BAZ1B: variants seen among roughly 807,000 people sequenced by gnomAD.
The protein encoded by BAZ1B is tyrosine-protein kinase BAZ1B.
A neutral mutation model predicts 153.8 loss-of-function variants in BAZ1B; 22 were observed. That is an observed-to-expected ratio of 0.14 (90% CI 0.10 to 0.20). The LOEUF (loss-of-function observed/expected upper bound fraction) is 0.20, where lower values mean the gene tolerates loss of function less well. BAZ1B is among the 10% of genes least tolerant of loss of function. The probability of loss-of-function intolerance (pLI) is 1.00; values close to 1 mark genes in which losing one functional copy is unlikely to be tolerated. For synonymous variants in BAZ1B, 676 were observed against 633.4 expected (o/e 1.07, Z -1.01); for missense variants, 1,325 against 1,799.3 (o/e 0.74, Z 4.77).
chr7:73,466,150 CAAG>C (rs2116298985), intron 10 of BAZ1B, 143 bp downstream of exon 10: 1 of 582,694 alleles, frequency 1.7e-6, no homozygotes, highest in South Asian at 3.1e-5. Flanking sequence ...TCTGCTAATG[CAAG>C]AAGTTTTGAT....
At chr7:73,506,184 G>C (rs1554577713) in intron 3 of BAZ1B, among the ~76,000 whole-genome samples, 1 of 152,074 alleles carries the variant, frequency 6.6e-6, no homozygotes, top group Non-Finnish European at 1.5e-5. Context: ...TTATCCTTTA[G>C]CTATTTTGAC....
In BAZ1B at chr7:73,450,410, A is replaced by G. The variant is rs781820076; in HGVS notation, c.3580+437T>C. On this transcript the variant is annotated intron_variant, in intron 14 of 19. Transcript: ENST00000339594. The surrounding 1 kb of genome is among the most constrained non-coding windows in gnomAD (Gnocchi z 4.1). The stretch of plus-strand genomic sequence containing the variant: ...AACTCTAGCCACTGAAAAGCCAATC[A>G]GCAAGGGGCTTCTAACCATGAAGTT... Among the ~76,000 whole-genome samples, 3 of 152,200 alleles carry G rather than the reference A, an allele frequency of 2.0e-5. No individual in the cohort carries two copies. Among genetic ancestry groups the G allele is most frequent in the African/African-American group, 4.8e-5 (2 of 41,458 alleles).
intron 1 of BAZ1B, among the ~76,000 whole-genome samples, chr7:73,518,087 T>C (rs555579428): frequency 1.4e-4 from 22 of 152,226 alleles, no homozygotes; most frequent in South Asian, 8.3e-4. Context: ...TAATATGGCA[T>C]AACGTATTAC....
At chr7:73,443,046 A>T (rs1475946521) in intron 17 of BAZ1B, among the ~76,000 whole-genome samples, 3 of 152,206 alleles carry the variant, frequency 2.0e-5, no homozygotes, top group Non-Finnish European at 2.9e-5. Flanking sequence ...CCCCGGGGCC[A>T]CGGCAATCAA....
intron 19 of BAZ1B, 37 bp downstream of exon 19, chr7:73,442,144 A>ACACCCCC: frequency 5.5e-6 from 1 of 180,370 alleles, no homozygotes; most frequent in Non-Finnish European, 1.1e-5. Flanking sequence ...CCTCCCTCCC[A>ACACCCCC]CCCTCCCTAG....
chr7:73,471,152 C>T (rs1358666168), intron 7 of BAZ1B, among the ~76,000 whole-genome samples: 1 of 152,116 alleles, frequency 6.6e-6, no homozygotes, highest in Non-Finnish European at 1.5e-5. Context: ...AAAAAGATCA[C>T]GATAAATCAA....
At chr7:73,461,439 A>G (rs1788393428) in intron 12 of BAZ1B, among the ~76,000 whole-genome samples, 1 of 152,262 alleles carries the variant, frequency 6.6e-6, no homozygotes, top group Non-Finnish European at 1.5e-5. Flanking sequence ...ACCTAACGTC[A>G]GCAAGATATA....
At chr7:73,483,289 T>C (rs931056047) in intron 6 of BAZ1B, among the ~76,000 whole-genome samples, 1 of 152,186 alleles carries the variant, frequency 6.6e-6, no homozygotes, top group Non-Finnish European at 1.5e-5. Context: ...AAATTACTTG[T>C]AGCAGCTCAT....
intron 5 of BAZ1B, among the ~76,000 whole-genome samples, chr7:73,491,507 G>GAGA (rs1240770604): frequency 6.6e-6 from 1 of 152,064 alleles, no homozygotes; most frequent in Non-Finnish European, 1.5e-5. Context: ...GCTGAGGCTG[G>GAGA]AGAATCACTT....
intron 5 of BAZ1B, among the ~76,000 whole-genome samples, chr7:73,491,784 A>T (rs1789655244): frequency 6.6e-6 from 1 of 152,142 alleles, no homozygotes; most frequent in Non-Finnish European, 1.5e-5. Context: ...TTACTGAATC[A>T]AGAATTTTGA....
At chr7:73,500,167 T>C (rs529285748) in intron 3 of BAZ1B, among the ~76,000 whole-genome samples, 1 of 152,292 alleles carries the variant, frequency 6.6e-6, no homozygotes, top group Admixed American at 6.5e-5. Context: ...TAATTATAGA[T>C]ATATTTAAGG....
At position 73,490,057 on chromosome 7, in the gene BAZ1B, T is replaced by C. The variant is rs928840754; in HGVS notation, c.694-666A>G. 3.9e-5 allele frequency among the ~76,000 whole-genome samples: 6 copies of C among 152,332 alleles called. No homozygotes were observed. In the South Asian group the frequency reaches 8.3e-4, roughly 21 times the overall value. On this transcript the variant is annotated intron_variant, in intron 5 of 19. Coordinates refer to ENST00000339594, the MANE Select transcript of BAZ1B (RefSeq NM_032408.4). Reference sequence around the variant, plus strand: ...GTTAAATGAAACTATGTACATATAATGGACACTGCAGTCCTATGAAAAAAC... The same window carrying C: ...GTTAAATGAAACTATGTACATATAACGGACACTGCAGTCCTATGAAAAAAC...
intron 16 of BAZ1B, among the ~76,000 whole-genome samples, chr7:73,445,235 A>G (rs1787787337): frequency 6.6e-6 from 1 of 152,170 alleles, no homozygotes; most frequent in South Asian, 2.1e-4. Flanking sequence ...TGACACGAAT[A>G]ATCCAGAAAC....
In BAZ1B at chr7:73,508,354, A is replaced by G. The variant is rs782132572; in HGVS notation, c.342T>C (p.Tyr114=). 7 of 1,613,890 alleles carry G rather than the reference A, an allele frequency of 4.3e-6. No homozygotes were observed. In the African/African-American group the frequency reaches 5.3e-5, roughly 12 times the overall value. The change falls in exon 3 of 20, where the codon TAT becomes TAC. Residue 114 remains tyrosine (Y), a synonymous_variant. Coordinates refer to ENST00000339594, the MANE Select transcript of BAZ1B (RefSeq NM_032408.4). ...DTAWLEIMTK[Y]AVGEECDFEV... ...CGAAGTCACACTCTTCTCCCACAGC[A>G]TATTTGGTCATGATCTCCAACCAAG...
chr7:73,481,794 T>C (rs1554573728), intron 6 of BAZ1B, among the ~76,000 whole-genome samples: 1 of 151,994 alleles, frequency 6.6e-6, no homozygotes, highest in East Asian at 1.9e-4. Flanking sequence ...TCCCAGCACT[T>C]TGGAAGGCTG....
At chr7:73,443,891 T>C in intron 17 of BAZ1B, 93 bp downstream of exon 17, 1 of 1,547,460 alleles carries the variant, frequency 6.5e-7, no homozygotes, top group African/African-American at 1.4e-5. Flanking sequence ...GGGGGGAGGC[T>C]CCCCTCCCAC....
At chr7:73,488,698 G>A (rs1268268621) in intron 6 of BAZ1B, among the ~76,000 whole-genome samples, 1 of 145,594 alleles carries the variant, frequency 6.9e-6, no homozygotes, top group African/African-American at 2.5e-5. Flanking sequence ...CTGGGTGACA[G>A]AGCGAGACTC....
intron 1 of BAZ1B, among the ~76,000 whole-genome samples, chr7:73,515,287 C>T (rs901168339): frequency 6.6e-6 from 1 of 152,120 alleles, no homozygotes; most frequent in African/African-American, 2.4e-5. Flanking sequence ...AGGATTTTTA[C>T]ATCTCCACCC....
At chr7:73,512,225 G>A (rs189333368) in intron 1 of BAZ1B, among the ~76,000 whole-genome samples, 251 of 151,504 alleles carry the variant, frequency 1.7e-3, no homozygotes, top group African/African-American at 5.8e-3. Context: ...TCCAACCTGC[G>A]GCCCAGGACG....
Sources: allele counts gnomAD v4.1 joint callset (sites outside exome capture counted in the v4.1 genomes callset), GRCh38; gene constraint gnomAD v4.1.1; non-coding constraint Gnocchi (gnomAD v3.1); transcripts MANE v1.5; gene names NCBI Gene and HGNC (gene_info 2026-07-23, HGNC 2026-07-21).